TC2N: variants seen among roughly 807,000 people sequenced by gnomAD.
TC2N encodes the protein tandem C2 domains nuclear protein.
TC2N carries 51 observed loss-of-function variants against 61.9 expected under a neutral mutation model. The ratio of observed to expected loss-of-function variants is 0.82; its 90% confidence interval spans 0.66 to 1.04. The LOEUF (loss-of-function observed/expected upper bound fraction) is 1.04, where lower values mean the gene tolerates loss of function less well. TC2N is among the 50% of genes least tolerant of loss of function. TC2N has a pLI of 0.00. For missense variants in TC2N, 556 were observed against 566.7 expected, an observed-to-expected ratio of 0.98 and a Z score of 0.19; for synonymous variants, 204 against 192.6, an observed-to-expected ratio of 1.06 and a Z score of -0.49.
Position 91,783,109 on chromosome 14 carries a change from A to G in TC2N, c.1464T>C (p.Asn488=). The G allele has an allele frequency of 1.9e-6, 3 of 1,599,282 alleles. No homozygotes were observed. The highest frequency in any genetic ancestry group is 2.6e-6 in the Non-Finnish European group (3 of 1,167,348). The stretch of plus-strand genomic sequence containing the variant: ...TTAATGTGTGAAGTCTTCAAGATGG[A>G]TTTAATTTGTGCCACCTGATAACAA... ...EKVVIRWHKL[N]PS is the part of the protein sequence containing the mutation. Residue 488 remains asparagine (N), a synonymous_variant, in exon 12 of 12, where the codon AAT becomes AAC. Coordinates refer to ENST00000435962, the MANE Select transcript of TC2N (RefSeq NM_001128596.3).
chr14:91,812,167 C>T (rs1886797313), intron 3 of TC2N, 145 bp downstream of exon 3: 2 of 367,216 alleles, frequency 5.4e-6, no homozygotes, highest in South Asian at 8.8e-5. Context: ...AACTACTGTA[C>T]ATTAAGTTCT....
intron 1 of TC2N, among the ~76,000 whole-genome samples, chr14:91,822,474 T>C (rs1460521683): frequency 6.6e-6 from 1 of 152,224 alleles, no homozygotes; most frequent in African/African-American, 2.4e-5. Context: ...CAGTTCTTAT[T>C]TTGTCTTTAA....
chr14:91,832,655 A>G (rs1887833313), intron 1 of TC2N, among the ~76,000 whole-genome samples: 1 of 152,228 alleles, frequency 6.6e-6, no homozygotes, highest in South Asian at 2.1e-4. Context: ...GTGAGGCTAT[A>G]AACTGGTACA....
Position 91,810,367 on chromosome 14 carries a change from G to A in TC2N, c.301+1945C>T, listed in dbSNP as rs1412195695. On this transcript the variant is annotated intron_variant, in intron 3 of 11. Transcript: ENST00000435962. The stretch of plus-strand genomic sequence containing the variant: ...TCAGGAGGGAAAGGAGAAAGGGAAG[G>A]AGGAAGGGAGGGATGAAAGAAGAGA... Among the ~76,000 whole-genome samples the A allele has an allele frequency of 3.3e-5, 5 of 152,116 alleles. No individual in the cohort carries two copies. In the East Asian group the frequency reaches 7.7e-4, roughly 23 times the overall value.
At chr14:91,791,417 C>T (rs1255999730) in intron 9 of TC2N, among the ~76,000 whole-genome samples, 1 of 152,086 alleles carries the variant, frequency 6.6e-6, no homozygotes, top group Non-Finnish European at 1.5e-5. Context: ...TTTAAAACCG[C>T]ATATAGGTTT....
intron 1 of TC2N, among the ~76,000 whole-genome samples, chr14:91,834,816 T>C (rs1220905898): frequency 6.6e-6 from 1 of 152,202 alleles, no homozygotes; most frequent in Non-Finnish European, 1.5e-5. Context: ...TGGCTGTCTC[T>C]ACCCATCGCT....
intron 1 of TC2N, among the ~76,000 whole-genome samples, chr14:91,838,555 G>A (rs1235659807): frequency 1.3e-5 from 2 of 152,212 alleles, no homozygotes; most frequent in Non-Finnish European, 2.9e-5. Context: ...TGCAGCACCT[G>A]ACTTAGTGCA....
intron 2 of TC2N, 88 bp downstream of exon 2, chr14:91,813,615 G>A: frequency 1.1e-6 from 1 of 914,336 alleles, no homozygotes; most frequent in South Asian, 1.5e-5. Flanking sequence ...CTAAGAAGTT[G>A]GAAAACATGC....
At chr14:91,812,091 G>C (rs1363541272) in intron 3 of TC2N, 1 of 227,874 alleles carries the variant, frequency 4.4e-6, no homozygotes, top group Non-Finnish European at 8.4e-6. Context: ...ATTATTTCTT[G>C]AAAAAAGGCC....
intron 1 of TC2N, among the ~76,000 whole-genome samples, chr14:91,860,331 CAAA>C (rs34305755): frequency 8.0e-6 from 1 of 125,492 alleles, no homozygotes. Flanking sequence ...CATTTCCTTG[CAAA>C]AAAAAAAAAA....
intron 1 of TC2N, among the ~76,000 whole-genome samples, chr14:91,833,509 T>C (rs147575211): frequency 1.3e-5 from 2 of 152,228 alleles, no homozygotes; most frequent in East Asian, 1.9e-4. Context: ...CATACATACA[T>C]ATAAATACAT....
intron 1 of TC2N, among the ~76,000 whole-genome samples, chr14:91,850,967 C>T (rs1421817892): frequency 6.6e-6 from 1 of 152,116 alleles, no homozygotes; most frequent in Non-Finnish European, 1.5e-5. Context: ...GCCTGATGAG[C>T]TATCACTGTC....
intron 1 of TC2N, among the ~76,000 whole-genome samples, chr14:91,838,360 GGTCTGAAAC>G (rs1888104652): frequency 6.6e-6 from 1 of 151,908 alleles, no homozygotes; most frequent in African/African-American, 2.4e-5. Context: ...TGTCCAGGCT[GGTCTGAAAC>G]TCCTGGCTTC....
intron 1 of TC2N, among the ~76,000 whole-genome samples, chr14:91,840,308 T>C (rs1174009687): frequency 6.6e-6 from 1 of 152,230 alleles, no homozygotes; most frequent in East Asian, 1.9e-4. Context: ...TCATGAATGA[T>C]GACATATAGA....
Position 91,821,059 on chromosome 14 carries a change from G to C in TC2N, c.-56-7234C>G, listed in dbSNP as rs61990091. ...CTAAGGTGGCAATACTCCCCAAATT[G>C]ATCTACAGATTCAACACAATCTCTA... On this transcript the variant is annotated intron_variant, in intron 1 of 11. Transcript: ENST00000435962. Among the ~76,000 whole-genome samples the C allele has an allele frequency of 3.6e-3, 553 of 151,958 alleles. 2 individuals are homozygous for C. The highest frequency in any genetic ancestry group is 6.0e-3 in the Non-Finnish European group (406 of 67,870).
intron 1 of TC2N, among the ~76,000 whole-genome samples, chr14:91,826,974 T>C (rs1050289351): frequency 2.0e-5 from 3 of 152,234 alleles, no homozygotes; most frequent in African/African-American, 7.2e-5. Flanking sequence ...GTTTTAGATA[T>C]GTCTCTTATA....
intron 8 of TC2N, among the ~76,000 whole-genome samples, chr14:91,794,602 TG>T (rs149406210): frequency 0.12 from 18,433 of 152,096 alleles, 1,368 homozygotes; most frequent in East Asian, 0.24. Context: ...ACAGCATATC[TG>T]TTTACAGCAT....
intron 1 of TC2N, among the ~76,000 whole-genome samples, chr14:91,865,369 GT>G (rs34451913): frequency 0.17 from 21,738 of 128,418 alleles, 1,690 homozygotes; most frequent in Admixed American, 0.22. Flanking sequence ...GAGCCTCTTG[GT>G]TTTTTTTTTT....
chr14:91,813,445 A>C (rs766301378), intron 2 of TC2N, among the ~76,000 whole-genome samples: 5 of 151,454 alleles, frequency 3.3e-5, no homozygotes, highest in African/African-American at 9.7e-5. Flanking sequence ...TTCCCACCCA[A>C]CTTGCTAAAA....
Sources: allele counts gnomAD v4.1 joint callset (sites outside exome capture counted in the v4.1 genomes callset), GRCh38; gene constraint gnomAD v4.1.1; transcripts MANE v1.5; gene names NCBI Gene and HGNC (gene_info 2026-07-23, HGNC 2026-07-21).